ITGB2: variants seen among roughly 807,000 people sequenced by gnomAD.
ITGB2 encodes the protein integrin subunit beta 2, also known as integrin beta-2.
In ITGB2, 56 loss-of-function variants were observed where a neutral mutation model predicts 86.8. The ratio of observed to expected loss-of-function variants is 0.65; its 90% CI spans 0.52 to 0.81. The LOEUF (loss-of-function observed/expected upper bound fraction) is 0.81. Ranked by LOEUF, ITGB2 falls within the 30% of genes least tolerant of loss-of-function variation. The pLI, the probability that ITGB2 is intolerant of heterozygous loss-of-function variation, is 0.00. For synonymous variants in ITGB2, 457 were observed against 450.4 expected, an observed-to-expected ratio of 1.01 and a Z score of -0.19; for missense variants, 948 against 1,061.2, an observed-to-expected ratio of 0.89 and a Z score of 1.48.
At chr21:44,911,087 A>G (rs1378349446) in intron 1 of ITGB2, 7 of 510,220 alleles carry the variant, frequency 1.4e-5, no homozygotes, top group Admixed American at 3.3e-5. Context: ...ACGTGTACAC[A>G]CACCACACAT....
chr21:44,907,897 A>G, intron 3 of ITGB2: 1 of 589,642 alleles, frequency 1.7e-6, no homozygotes. Context: ...AATTTTTTAA[A>G]GAAGTCCTCC....
intron 1 of ITGB2, among the ~76,000 whole-genome samples, chr21:44,920,237 T>C (rs1568911273): frequency 1.3e-5 from 2 of 151,794 alleles, no homozygotes; most frequent in Non-Finnish European, 1.5e-5. Context: ...ACACCATACA[T>C]GCACACACAC....
intron 1 of ITGB2, among the ~76,000 whole-genome samples, chr21:44,913,532 C>T (rs2084162648): frequency 2.6e-5 from 4 of 152,174 alleles, no homozygotes; most frequent in Admixed American, 2.0e-4. Context: ...ACTGTTGCTC[C>T]TCCATGAGCA....
intron 9 of ITGB2, chr21:44,894,039 TGAGA>T (rs948512916): frequency 4.3e-4 from 107 of 251,310 alleles, no homozygotes; most frequent in African/African-American, 2.1e-3. Context: ...AGACAAAGAC[TGAGA>T]GACAGACGGA....
Position 44,893,558 on chromosome 21 carries a change from G to A in ITGB2, c.1084-14C>T, listed in dbSNP as rs2083821799. On this transcript the variant is annotated splice_polypyrimidine_tract_variant and intron_variant, in intron 9 of 15. Coordinates refer to ENST00000652462, the MANE Select transcript of ITGB2 (RefSeq NM_000211.5). ...GGAGGAGAGTTTCTGCGGGCAGAGAGCGGTTACTCTTGGGGGCGAGTGTTT... is the reference window on the plus strand; with the variant it reads ...GGAGGAGAGTTTCTGCGGGCAGAGAACGGTTACTCTTGGGGGCGAGTGTTT... 4.3e-6 allele frequency: 7 copies of A among 1,613,298 alleles called. No homozygotes were observed. The Admixed American group carries it at 1.0e-4, about 23-fold the overall frequency.
intron 1 of ITGB2, among the ~76,000 whole-genome samples, chr21:44,918,707 C>T (rs567485508): frequency 9.1e-4 from 139 of 152,346 alleles, no homozygotes; most frequent in African/African-American, 3.2e-3. Context: ...GCCGTGTTGC[C>T]TCAGGCTCAC....
At position 44,903,962 on chromosome 21, in the gene ITGB2, C is replaced by T. The variant is rs139937220; in HGVS notation, c.329-427G>A. On this transcript the variant is annotated intron_variant, in intron 4 of 15. Transcript: ENST00000652462. Reference sequence around the variant, plus strand: ...CTGGCACTTCCCAGCAAGGCCCACGCGGGCCGTCCCCAGGAGGCCCCTTTC... The same window carrying T: ...CTGGCACTTCCCAGCAAGGCCCACGTGGGCCGTCCCCAGGAGGCCCCTTTC... Among the ~76,000 whole-genome samples, 8 of 152,300 alleles carry T rather than the reference C, an allele frequency of 5.3e-5. No individual in the cohort carries two copies. The South Asian group carries it at 1.4e-3, about 28-fold the overall frequency.
At chr21:44,911,662 C>T (rs1468872318) in intron 1 of ITGB2, among the ~76,000 whole-genome samples, 1 of 152,230 alleles carries the variant, frequency 6.6e-6, no homozygotes, top group Non-Finnish European at 1.5e-5. Context: ...CGGGGTCCTG[C>T]CCTTTTGTTT....
intron 3 of ITGB2, chr21:44,908,061 A>G (rs947510997): frequency 1.8e-5 from 13 of 717,592 alleles, no homozygotes; most frequent in Non-Finnish European, 3.1e-5. Flanking sequence ...AGCCTGACCA[A>G]GGTAGTTTCC....
chr21:44,914,637 GA>G lies in ITGB2; in HGVS notation c.-3-3853del, dbSNP rs113368379. ...GAGAACAGGAGCAAACACAGGAAAG[GA>G]AGAGGCCAGCCTGGTGGCTGACGCC... is the stretch of plus-strand genomic sequence containing the variant. On this transcript the variant is annotated intron_variant, in intron 1 of 15. Coordinates refer to ENST00000652462, the MANE Select transcript of ITGB2 (RefSeq NM_000211.5). Among the ~76,000 whole-genome samples, 1,073 of 152,312 alleles carry G rather than the reference GA, an allele frequency of 7.0e-3. 11 individuals carry two copies. Among genetic ancestry groups the G allele is most frequent in the African/African-American group, 0.024 (998 of 41,558 alleles).
rs1368152506 is a variant in ITGB2 at position 44,908,163 on chromosome 21, G to T, written c.148-1068C>A. The T allele has an allele frequency of 5.4e-6, 4 of 746,552 alleles. No individual in the cohort carries two copies. The Admixed American group carries it at 5.5e-5, about 10-fold the overall frequency. 46.2% of individuals were successfully genotyped at this position (746,552 alleles called of 1,614,324 possible). A position where few individuals can be genotyped will look rare whatever the true frequency, so the allele number is the denominator to read the frequency against. ...ACTGCTCGCCGCGGTGGCGTGGGCT[G>T]GAGGACCCAAAGCCGCTCCCTGTGG... On this transcript the variant is annotated intron_variant, in intron 3 of 15. Coordinates refer to ENST00000652462, the MANE Select transcript of ITGB2 (RefSeq NM_000211.5).
At chr21:44,907,600 G>A (rs929925329) in intron 3 of ITGB2, among the ~76,000 whole-genome samples, 2 of 152,258 alleles carry the variant, frequency 1.3e-5, no homozygotes, top group African/African-American at 4.8e-5. Flanking sequence ...GGCCCAGGGC[G>A]CTTTCCTCTC....
chr21:44,893,692 G>A (rs1052868599), intron 9 of ITGB2, 148 bp from the exon 10 acceptor site: 1 of 1,101,732 alleles, frequency 9.1e-7, no homozygotes, highest in East Asian at 2.6e-5. Context: ...ACAGCAGGAT[G>A]TGCTGAGGAT....
chr21:44,898,559 A>G (rs2083901809), intron 8 of ITGB2, among the ~76,000 whole-genome samples: 1 of 152,222 alleles, frequency 6.6e-6, no homozygotes, highest in Admixed American at 6.5e-5. Flanking sequence ...GGCTGAACAC[A>G]TGGCACTAGC....
intron 4 of ITGB2, among the ~76,000 whole-genome samples, chr21:44,905,598 C>T (rs2146536063): frequency 6.6e-6 from 1 of 152,328 alleles, no homozygotes; most frequent in East Asian, 1.9e-4. Context: ...AGAGCTGCCT[C>T]CAGGGGCCAC....
At chr21:44,918,514 G>A (rs946261286) in intron 1 of ITGB2, among the ~76,000 whole-genome samples, 2 of 152,206 alleles carry the variant, frequency 1.3e-5, no homozygotes, top group African/African-American at 2.4e-5. Context: ...CACCCCTCCT[G>A]TTTCACAGAT....
chr21:44,889,110 GAC>G lies in ITGB2; in HGVS notation c.1877+164_1877+165del, dbSNP rs200868213. 2,279 of 716,428 alleles carry G rather than the reference GAC, an allele frequency of 3.2e-3. 24 individuals carry two copies. Among genetic ancestry groups the G allele is most frequent in the Middle Eastern group, 0.029 (74 of 2,596 alleles). The allele number at this position is 716,428 out of a possible 1,614,324, so 44.4% of individuals were successfully genotyped here. On this transcript the variant is annotated intron_variant, in intron 13 of 15. Transcript: ENST00000652462. ...GCAGGTGCGCACAGGAGGGAGGAGG[GAC>G]ACAGGGGCACGGCGGCCGCGGAGGG...
chr21:44,893,860 A>G (rs2083825505), intron 9 of ITGB2: 2 of 380,660 alleles, frequency 5.3e-6, no homozygotes, highest in Non-Finnish European at 1.0e-5. Flanking sequence ...TAAATTGTTC[A>G]AGCGATAAGA....
chr21:44,887,979 C>T (rs959702588), intron 14 of ITGB2, among the ~76,000 whole-genome samples: 5 of 152,240 alleles, frequency 3.3e-5, no homozygotes, highest in African/African-American at 1.2e-4. Flanking sequence ...CCAGCCCCAG[C>T]CCCTCTGCCT....
Sources: gnomAD v4.1 joint callset for allele counts (sites outside exome capture counted in the v4.1 genomes callset) on GRCh38, gnomAD v4.1.1 for gene constraint, MANE v1.5 for transcripts, NCBI Gene and HGNC (gene_info 2026-07-23, HGNC 2026-07-21) for gene names.